The following HECW1 variants were observed in gnomAD, a reference collection of about 807,000 sequenced individuals.
HECW1 encodes E3 ubiquitin-protein ligase HECW1.
Under a neutral mutation model 182.3 loss-of-function variants are expected in HECW1, and 61 were observed. The ratio of observed to expected loss-of-function variants is 0.33; its 90% CI spans 0.27 to 0.41. The LOEUF (loss-of-function observed/expected upper bound fraction) is 0.41. HECW1 is among the 10% of genes least tolerant of loss of function. HECW1 has a pLI of 1.00. For synonymous variants in HECW1, 859 were observed against 832.6 expected, an observed-to-expected ratio of 1.03 and a Z score of -0.55; for missense variants, 1,739 against 2,108.9, an observed-to-expected ratio of 0.82 and a Z score of 3.44.
At chr7:43,491,439 A>AT (rs1488503122) in intron 17 of HECW1, among the ~76,000 whole-genome samples, 2 of 152,250 alleles carry the variant, frequency 1.3e-5, no homozygotes, top group Admixed American at 6.5e-5. Flanking sequence ...CAAGAAGTCC[A>AT]TTATACATTT....
intron 2 of HECW1, among the ~76,000 whole-genome samples, chr7:43,154,916 T>C (rs573235826): frequency 1.3e-5 from 2 of 152,216 alleles, no homozygotes; most frequent in Non-Finnish European, 2.9e-5. Flanking sequence ...TATGTAAACT[T>C]AGAACTGGAA....
At chr7:43,538,141 C>T (rs1327114281) in intron 24 of HECW1, among the ~76,000 whole-genome samples, 1 of 152,188 alleles carries the variant, frequency 6.6e-6, no homozygotes, top group Non-Finnish European at 1.5e-5. Flanking sequence ...AAAATTTAGA[C>T]CTAGGTCAGA....
At chr7:43,457,186 G>A (rs1268946576) in intron 13 of HECW1, among the ~76,000 whole-genome samples, 2 of 152,190 alleles carry the variant, frequency 1.3e-5, no homozygotes, top group African/African-American at 2.4e-5. Context: ...GATGCAGTAA[G>A]CTAGTATAAA....
intron 2 of HECW1, among the ~76,000 whole-genome samples, chr7:43,193,447 T>C (rs1471281642): frequency 6.6e-6 from 1 of 152,134 alleles, no homozygotes; most frequent in African/African-American, 2.4e-5. Context: ...AATGGTGCAA[T>C]CTTGGCTCAC....
At chr7:43,280,409 G>T in intron 3 of HECW1, among the ~76,000 whole-genome samples, 1 of 152,144 alleles carries the variant, frequency 6.6e-6, no homozygotes, top group East Asian at 1.9e-4. Flanking sequence ...CCAAAAAAGG[G>T]CGATTAAAAT....
chr7:43,213,468 C>T (rs1205559289), intron 2 of HECW1, among the ~76,000 whole-genome samples: 20 of 114,476 alleles, frequency 1.7e-4, no homozygotes, highest in African/African-American at 4.7e-4. Flanking sequence ...TTTTTTGAGA[C>T]GGAGTCTCGC....
At chr7:43,192,411 A>G (rs1265810710) in intron 2 of HECW1, among the ~76,000 whole-genome samples, 2 of 152,240 alleles carry the variant, frequency 1.3e-5, no homozygotes, top group Non-Finnish European at 2.9e-5. Context: ...TAATTTGATT[A>G]TATGAATGTG....
intron 3 of HECW1, among the ~76,000 whole-genome samples, chr7:43,290,470 G>T (rs546561231): frequency 6.6e-6 from 1 of 152,256 alleles, no homozygotes; most frequent in East Asian, 1.9e-4. Flanking sequence ...TAAAATAGAG[G>T]TCTTGTGATT....
At chr7:43,327,989 T>C (rs766196487) in intron 5 of HECW1, among the ~76,000 whole-genome samples, 22 of 145,784 alleles carry the variant, frequency 1.5e-4, no homozygotes, top group Non-Finnish European at 2.9e-4. Context: ...TTATTATTAT[T>C]ATCATTATTA....
At chr7:43,228,134 A>G (rs1248051384) in intron 2 of HECW1, among the ~76,000 whole-genome samples, 1 of 152,240 alleles carries the variant, frequency 6.6e-6, no homozygotes, top group Admixed American at 6.5e-5. Flanking sequence ...ACAGCCAGAT[A>G]CACAAAATTA....
rs184424517 is a variant in HECW1 at position 43,517,206 on chromosome 7, C to A, written c.4019+8085C>A. Reference sequence around the variant, plus strand: ...CTGCAGCCACCAAAATGTCTGTGAGCTCATTTATGTCTGTGGTGGTGACGA... The same window carrying A: ...CTGCAGCCACCAAAATGTCTGTGAGATCATTTATGTCTGTGGTGGTGACGA... On this transcript the variant is annotated intron_variant, in intron 24 of 29. Transcript: ENST00000395891. Among the ~76,000 whole-genome samples the A allele has an allele frequency of 5.6e-4, 86 of 152,270 alleles. 1 individual carries two copies. The highest frequency in any genetic ancestry group is 4.3e-4 in the Non-Finnish European group (29 of 68,024).
intron 3 of HECW1, 115 bp downstream of exon 3, chr7:43,244,047 A>T: frequency 1.2e-6 from 1 of 837,308 alleles, no homozygotes; most frequent in Non-Finnish European, 2.1e-6. Context: ...CAGCCCAGGA[A>T]TTATCTCAAG....
At chr7:43,405,471 C>T (rs1276536356) in intron 7 of HECW1, among the ~76,000 whole-genome samples, 4 of 152,216 alleles carry the variant, frequency 2.6e-5, no homozygotes, top group Admixed American at 2.0e-4. Context: ...GGGCCTCTCC[C>T]GGTGGAGTTA....
chr7:43,443,309 C>T, intron 10 of HECW1, among the ~76,000 whole-genome samples: 1 of 152,192 alleles, frequency 6.6e-6, no homozygotes, highest in East Asian at 1.9e-4. Context: ...GAACTTAGAG[C>T]CTGGAGTTTT....
At chr7:43,500,491 C>G (rs1466909947) in intron 19 of HECW1, among the ~76,000 whole-genome samples, 1 of 152,166 alleles carries the variant, frequency 6.6e-6, no homozygotes, top group Non-Finnish European at 1.5e-5. Flanking sequence ...TCCTCAGCTT[C>G]TGTACCTGTG....
intron 3 of HECW1, among the ~76,000 whole-genome samples, chr7:43,264,559 T>C (rs1801528810): frequency 6.6e-6 from 1 of 152,054 alleles, no homozygotes; most frequent in African/African-American, 2.4e-5. Flanking sequence ...ATAATTACTA[T>C]TGTCAGCCAG....
chr7:43,368,185 C>A (rs1050554949), intron 6 of HECW1, among the ~76,000 whole-genome samples: 4 of 152,102 alleles, frequency 2.6e-5, no homozygotes, highest in Non-Finnish European at 4.4e-5. Context: ...AAGTGTGTAG[C>A]GGGGAGACAG....
intron 2 of HECW1, among the ~76,000 whole-genome samples, chr7:43,127,142 C>G (rs1786336001): frequency 6.6e-6 from 1 of 152,096 alleles, no homozygotes; most frequent in Non-Finnish European, 1.5e-5. Flanking sequence ...GCCTCTTGCA[C>G]CAAACAGTTA....
chr7:43,480,659 A>G (rs199564649), intron 17 of HECW1, among the ~76,000 whole-genome samples: 26 of 146,622 alleles, frequency 1.8e-4, no homozygotes, highest in East Asian at 4.0e-4. Context: ...GTGTGTGTGT[A>G]TATATATACA....
Sources: gnomAD v4.1 joint callset for allele counts (sites outside exome capture counted in the v4.1 genomes callset) on GRCh38, gnomAD v4.1.1 for gene constraint, MANE v1.5 for transcripts, NCBI Gene and HGNC (gene_info 2026-07-23, HGNC 2026-07-21) for gene names.